Variants in CDH13 observed in about 807,000 individuals in gnomAD.
The protein encoded by CDH13 is cadherin-13.
CDH13 carries 24 observed loss-of-function variants against 63.8 expected under a neutral mutation model. The ratio of observed to expected loss-of-function variants is 0.38; its 90% CI spans 0.27 to 0.53. The LOEUF (loss-of-function observed/expected upper bound fraction) is 0.53, where lower values mean the gene tolerates loss of function less well. Ranked by LOEUF, CDH13 falls within the 20% of genes least tolerant of loss-of-function variation. CDH13 has a pLI of 0.85. For missense variants in CDH13, 1,049 were observed against 903.1 expected (o/e 1.16, Z -2.07); for synonymous variants, 503 against 355.3 (o/e 1.42, Z -4.67).
At chr16:83,218,756 A>G (rs11639932) in intron 5 of CDH13, among the ~76,000 whole-genome samples, 111,879 of 152,178 alleles carry the variant, frequency 0.74, 42,187 homozygotes, top group East Asian at 0.95. Context: ...TGTCTCCCCA[A>G]TCTCATCTTG....
At chr16:83,773,794 A>G (rs1914920434) in intron 11 of CDH13, among the ~76,000 whole-genome samples, 1 of 152,176 alleles carries the variant, frequency 6.6e-6, no homozygotes, top group Non-Finnish European at 1.5e-5. Flanking sequence ...GCATTAGTAT[A>G]TGGTGATTCT....
intron 2 of CDH13, among the ~76,000 whole-genome samples, chr16:82,974,440 GT>G (rs1909212972): frequency 6.6e-6 from 1 of 152,092 alleles, no homozygotes; most frequent in Non-Finnish European, 1.5e-5. Flanking sequence ...GGTGTAAAAG[GT>G]TCCTTGGCTT....
chr16:82,799,607 C>A (rs1414535334), intron 1 of CDH13, among the ~76,000 whole-genome samples: 1 of 152,098 alleles, frequency 6.6e-6, no homozygotes, highest in African/African-American at 2.4e-5. Flanking sequence ...TTATTTAGAC[C>A]CATTTATTTC....
intron 3 of CDH13, among the ~76,000 whole-genome samples, chr16:83,038,857 C>A (rs4290460): frequency 0.71 from 107,779 of 152,132 alleles, 38,305 homozygotes; most frequent in African/African-American, 0.74. Context: ...GAGTTAAGAA[C>A]TTGTAGCTTG....
At chr16:83,392,944 T>G (rs942562088) in intron 6 of CDH13, among the ~76,000 whole-genome samples, 11 of 110,714 alleles carry the variant, frequency 9.9e-5, no homozygotes, top group Admixed American at 2.1e-4. Context: ...TGGAAGGAAG[T>G]TGGGAGGGGA....
chr16:83,534,163 T>C (rs2075139028), intron 7 of CDH13, among the ~76,000 whole-genome samples: 1 of 152,194 alleles, frequency 6.6e-6, no homozygotes. Flanking sequence ...TCATCTACTT[T>C]CTGTCTTTAA....
At chr16:83,713,998 C>G (rs1908492508) in intron 10 of CDH13, among the ~76,000 whole-genome samples, 1 of 152,202 alleles carries the variant, frequency 6.6e-6, no homozygotes, top group Non-Finnish European at 1.5e-5. Context: ...AATTCCTGGG[C>G]TCATGCTCAC....
chr16:83,694,783 A>G (rs943232070), intron 10 of CDH13, among the ~76,000 whole-genome samples: 2 of 152,178 alleles, frequency 1.3e-5, no homozygotes, highest in African/African-American at 4.8e-5. Flanking sequence ...CTCTGCCCCA[A>G]TACCTCCCTT....
intron 1 of CDH13, among the ~76,000 whole-genome samples, chr16:82,657,000 A>G (rs1911377856): frequency 6.7e-6 from 1 of 148,548 alleles, no homozygotes; most frequent in Non-Finnish European, 1.5e-5. Context: ...ACTTAAGGAT[A>G]TCTTGGTTGC....
At chr16:82,817,757 G>A (rs9931949) in intron 1 of CDH13, among the ~76,000 whole-genome samples, 133,341 of 152,230 alleles carry the variant, frequency 0.88, 58,477 homozygotes, top group East Asian at 0.96. Flanking sequence ...GTAAGCCACA[G>A]TCACACCACT....
intron 1 of CDH13, among the ~76,000 whole-genome samples, chr16:82,658,868 C>G (rs1178899514): frequency 6.6e-6 from 1 of 152,188 alleles, no homozygotes; most frequent in African/African-American, 2.4e-5. Flanking sequence ...ATGGAAGATT[C>G]TGTAACTTTG....
chr16:82,692,852 C>T (rs1012929603), intron 1 of CDH13, among the ~76,000 whole-genome samples: 10 of 152,258 alleles, frequency 6.6e-5, no homozygotes, highest in Middle Eastern at 3.4e-3. Flanking sequence ...TAAGTGACCC[C>T]GGTGATCCTC....
intron 2 of CDH13, among the ~76,000 whole-genome samples, chr16:82,931,291 G>A (rs781760985): frequency 9.2e-5 from 14 of 152,114 alleles, no homozygotes; most frequent in Non-Finnish European, 1.6e-4. Context: ...TTTTGAAAGC[G>A]TGTCTGATAA....
intron 6 of CDH13, among the ~76,000 whole-genome samples, chr16:83,457,321 T>G (rs2073051200): frequency 6.6e-6 from 1 of 152,142 alleles, no homozygotes; most frequent in East Asian, 1.9e-4. Flanking sequence ...CTTAGTAGTG[T>G]CTGTGTTAGT....
chr16:83,656,414 T>C (rs1364522086), intron 8 of CDH13, among the ~76,000 whole-genome samples: 2 of 152,118 alleles, frequency 1.3e-5, no homozygotes, highest in African/African-American at 4.8e-5. Context: ...CAGAAGCAGA[T>C]GCTGGCTGTG....
At chr16:82,703,565 C>G (rs1212180993) in intron 1 of CDH13, among the ~76,000 whole-genome samples, 1 of 152,148 alleles carries the variant, frequency 6.6e-6, no homozygotes, top group African/African-American at 2.4e-5. Context: ...ACTGATAATG[C>G]TTTACTGGCT....
At chr16:83,077,289 TC>T (rs1404568390) in intron 3 of CDH13, among the ~76,000 whole-genome samples, 1 of 149,428 alleles carries the variant, frequency 6.7e-6, no homozygotes, top group Non-Finnish European at 1.5e-5. Context: ...CTTCCTGAGT[TC>T]GAGCGATTCT....
intron 1 of CDH13, among the ~76,000 whole-genome samples, chr16:82,676,039 AGATT>A (rs1381152122): frequency 1.3e-5 from 2 of 152,192 alleles, no homozygotes; most frequent in East Asian, 3.8e-4. Flanking sequence ...GAGGGAGAAA[AGATT>A]GATTAAGCCC....
intron 2 of CDH13, among the ~76,000 whole-genome samples, chr16:83,017,888 G>A (rs141842528): frequency 3.9e-5 from 6 of 152,186 alleles, no homozygotes; most frequent in African/African-American, 1.2e-4. Flanking sequence ...ATAAACCAAA[G>A]CTTAATGTTT....
Sources: gnomAD v4.1 joint callset for allele counts (sites outside exome capture counted in the v4.1 genomes callset) on GRCh38, gnomAD v4.1.1 for gene constraint, MANE v1.5 for transcripts, NCBI Gene and HGNC (gene_info 2026-07-23, HGNC 2026-07-21) for gene names.